Variants in NRG3 observed in about 807,000 individuals in gnomAD.
The protein encoded by NRG3 is neuregulin 3.
Under a neutral mutation model 66.9 loss-of-function variants are expected in NRG3, and 31 were observed. The observed-to-expected ratio is 0.46, with a 90% CI of 0.35 to 0.63. NRG3 has a LOEUF of 0.63. Ranked by LOEUF, NRG3 falls within the 20% of genes least tolerant of loss-of-function variation. NRG3 has a pLI of 0.00. For synonymous variants in NRG3, 393 were observed against 359.4 expected, an observed-to-expected ratio of 1.09 and a Z score of -1.06; for missense variants, 910 against 878.9, an observed-to-expected ratio of 1.04 and a Z score of -0.45.
intron 1 of NRG3, among the ~76,000 whole-genome samples, chr10:82,174,281 C>T (rs1296842358): frequency 6.6e-6 from 1 of 152,118 alleles, no homozygotes; most frequent in East Asian, 1.9e-4. Context: ...TAACCATTCT[C>T]CTTTATCTTT....
At chr10:82,563,275 T>C (rs2045175182) in intron 2 of NRG3, among the ~76,000 whole-genome samples, 1 of 152,184 alleles carries the variant, frequency 6.6e-6, no homozygotes, top group African/African-American at 2.4e-5. Context: ...AGAGAAAAAT[T>C]GGATGTACAT....
At chr10:82,828,076 C>T (rs147457032) in intron 3 of NRG3, among the ~76,000 whole-genome samples, 197 of 152,150 alleles carry the variant, frequency 1.3e-3, no homozygotes, top group African/African-American at 4.4e-3. Context: ...TGAAAAAGGA[C>T]GACTGGCTGT....
intron 1 of NRG3, among the ~76,000 whole-genome samples, chr10:82,068,902 G>A (rs937792472): frequency 1.3e-5 from 2 of 152,098 alleles, no homozygotes; most frequent in African/African-American, 4.8e-5. Flanking sequence ...ATGACATTGA[G>A]TACTGCTTTC....
At chr10:82,828,300 T>G (rs190550360) in intron 3 of NRG3, among the ~76,000 whole-genome samples, 1 of 152,330 alleles carries the variant, frequency 6.6e-6, no homozygotes, top group East Asian at 1.9e-4. Context: ...AGGTACATAC[T>G]AATTAGTATT....
intron 2 of NRG3, among the ~76,000 whole-genome samples, chr10:82,624,273 C>G (rs1216352993): frequency 6.6e-6 from 1 of 152,036 alleles, no homozygotes; most frequent in African/African-American, 2.4e-5. Flanking sequence ...GAAAAAATTC[C>G]CTGCTTTCAT....
chr10:82,376,988 CTT>C (rs2085283375), intron 2 of NRG3, among the ~76,000 whole-genome samples: 1 of 152,164 alleles, frequency 6.6e-6, no homozygotes, highest in Non-Finnish European at 1.5e-5. Flanking sequence ...GTTCATGACT[CTT>C]AACCCAAATC....
intron 1 of NRG3, among the ~76,000 whole-genome samples, chr10:82,338,112 G>A (rs1335455264): frequency 6.6e-6 from 1 of 151,966 alleles, no homozygotes; most frequent in Non-Finnish European, 1.5e-5. Context: ...CTCCTCTCTG[G>A]AAAAAAGTAA....
At chr10:82,707,243 A>C (rs1474460583) in intron 2 of NRG3, among the ~76,000 whole-genome samples, 1 of 152,024 alleles carries the variant, frequency 6.6e-6, no homozygotes, top group South Asian at 2.1e-4. Flanking sequence ...TAAATTCAAC[A>C]TTTCACAGTG....
intron 1 of NRG3, among the ~76,000 whole-genome samples, chr10:81,992,454 A>G (rs2133584209): frequency 6.6e-6 from 1 of 152,328 alleles, no homozygotes; most frequent in East Asian, 1.9e-4. Context: ...TTTGCTGGGC[A>G]TAAGAAACAT....
intron 1 of NRG3, among the ~76,000 whole-genome samples, chr10:82,122,267 C>T (rs2068137886): frequency 6.6e-6 from 1 of 152,146 alleles, no homozygotes; most frequent in Non-Finnish European, 1.5e-5. Flanking sequence ...GGGTAGGGCA[C>T]TGATCTTCTT....
chr10:82,522,424 C>T (rs928309824), intron 2 of NRG3, among the ~76,000 whole-genome samples: 2 of 152,064 alleles, frequency 1.3e-5, no homozygotes, highest in African/African-American at 2.4e-5. Flanking sequence ...TGTTTTCCAC[C>T]TTCTAAGTAC....
chr10:81,963,723 T>A (rs1340582307), intron 1 of NRG3, among the ~76,000 whole-genome samples: 1 of 152,180 alleles, frequency 6.6e-6, no homozygotes, highest in East Asian at 1.9e-4. Flanking sequence ...TAAGGGTTGC[T>A]CTGTCAATGT....
chr10:81,955,617 G>A (rs1251609664), intron 1 of NRG3, among the ~76,000 whole-genome samples: 2 of 152,090 alleles, frequency 1.3e-5, no homozygotes, highest in African/African-American at 4.8e-5. Flanking sequence ...ATATATTCAA[G>A]TACCTACTTA....
intron 1 of NRG3, among the ~76,000 whole-genome samples, chr10:82,025,951 T>A (rs1352299087): frequency 1.3e-5 from 2 of 152,016 alleles, no homozygotes; most frequent in Non-Finnish European, 1.5e-5. Context: ...CTGCCCCTGC[T>A]CCATCCACAT....
intron 2 of NRG3, among the ~76,000 whole-genome samples, chr10:82,599,311 T>G (rs771195): frequency 0.084 from 12,822 of 152,188 alleles, 623 homozygotes; most frequent in East Asian, 0.15. Context: ...TTGGTGGAAC[T>G]TGTGGTGGAA....
At position 82,521,562 on chromosome 10, in the gene NRG3, A is replaced by G. The variant is rs187067036; in HGVS notation, c.953+162694A>G. Among the ~76,000 whole-genome samples, 823 of 152,066 alleles carry G rather than the reference A, an allele frequency of 5.4e-3. 8 individuals carry two copies. Among genetic ancestry groups the G allele is most frequent in the African/African-American group, 0.018 (767 of 41,494 alleles). Reference sequence around the variant, plus strand: ...TCACCGTGTTAGCCAGGATGGTCTCAATCTCCTGACCTCGTGATCCGCCCG... The same window carrying G: ...TCACCGTGTTAGCCAGGATGGTCTCGATCTCCTGACCTCGTGATCCGCCCG... On this transcript the variant is annotated intron_variant, in intron 2 of 8. Coordinates refer to ENST00000372141, the MANE Select transcript of NRG3 (RefSeq NM_001010848.4).
intron 4 of NRG3, among the ~76,000 whole-genome samples, chr10:82,951,217 T>C (rs1849484182): frequency 6.6e-6 from 1 of 152,250 alleles, no homozygotes; most frequent in Non-Finnish European, 1.5e-5. Flanking sequence ...CTTTTGATGA[T>C]AAATCTGTAA....
intron 1 of NRG3, among the ~76,000 whole-genome samples, chr10:82,140,642 T>C (rs777231938): frequency 6.6e-6 from 1 of 151,978 alleles, no homozygotes; most frequent in Admixed American, 6.6e-5. Context: ...TAAGGCTAGA[T>C]GATCGCTTGA....
At chr10:82,622,370 T>C (rs1016043031) in intron 2 of NRG3, among the ~76,000 whole-genome samples, 5 of 152,064 alleles carry the variant, frequency 3.3e-5, no homozygotes, top group Non-Finnish European at 7.4e-5. Flanking sequence ...GCAAAGATAA[T>C]ATATCAAAGA....
Sources: allele counts gnomAD v4.1 joint callset (sites outside exome capture counted in the v4.1 genomes callset), GRCh38; gene constraint gnomAD v4.1.1; transcripts MANE v1.5; gene names NCBI Gene and HGNC (gene_info 2026-07-23, HGNC 2026-07-21).